Variants in RAD51 observed in about 807,000 individuals in gnomAD.
The protein encoded by RAD51 is DNA repair protein RAD51 homolog 1.
RAD51 carries 14 observed loss-of-function variants against 41.5 expected under a neutral mutation model. The observed-to-expected ratio is 0.34, with a 90% CI of 0.22 to 0.53. The LOEUF is 0.53. Among genes scored for constraint, RAD51 ranks in the 20% least tolerant of loss-of-function variants. RAD51 has a pLI of 0.95. For missense variants in RAD51, 234 were observed against 422.0 expected (o/e 0.55, Z 3.90); for synonymous variants, 136 against 148.6 (o/e 0.92, Z 0.62).
At chr15:40,695,813 C>T (rs990140052) in intron 1 of RAD51, 3 of 152,236 alleles carry the variant, frequency 2.0e-5, no homozygotes, top group Non-Finnish European at 2.9e-5. Context: ...GTGTTTTCAT[C>T]ATCTAATGCG....
intron 1 of RAD51, among the ~76,000 whole-genome samples, chr15:40,697,285 A>G (rs544520710): frequency 1.4e-3 from 213 of 151,942 alleles, no homozygotes; most frequent in African/African-American, 4.6e-3. Context: ...TTTTTCTTTA[A>G]TAGAGACAGG....
chr15:40,712,877 C>CTTTTTTTTTTTTTTT (rs398039433), intron 5 of RAD51, among the ~76,000 whole-genome samples: 3 of 103,896 alleles, frequency 2.9e-5, no homozygotes, highest in African/African-American at 3.8e-5. Context: ...CTTTTCTTTT[C>CTTTTTTTTTTTTTTT]TTTTTTTTTT....
In RAD51 at chr15:40,731,279, C is replaced by T; in HGVS notation, c.*101C>T. The T allele has an allele frequency of 6.6e-7, 1 of 1,523,792 alleles. No individual in the cohort carries two copies. The highest frequency in any genetic ancestry group is 9.1e-7 in the Non-Finnish European group (1 of 1,104,312). 94.4% of individuals were successfully genotyped at this position (1,523,792 alleles called of 1,614,324 possible). On this transcript the variant is annotated 3_prime_UTR_variant, in exon 10 of 10. Coordinates refer to ENST00000267868, the MANE Select transcript of RAD51 (RefSeq NM_002875.5). ...TACAGGCCTCTTCCTGTTGTGACTG[C>T]CAGGATAAAGCTTCCGGGAAAACAG...
intron 6 of RAD51, among the ~76,000 whole-genome samples, chr15:40,719,948 A>C (rs1461922949): frequency 1.3e-5 from 2 of 152,194 alleles, no homozygotes; most frequent in African/African-American, 2.4e-5. Context: ...ACAAAACCCC[A>C]AAATAACATG....
At chr15:40,701,007 C>A in intron 2 of RAD51, 57 bp from the exon 3 acceptor site, 2 of 1,509,858 alleles carry the variant, frequency 1.3e-6, no homozygotes, top group Non-Finnish European at 1.8e-6. Context: ...CACATAACAT[C>A]TGTGTTAGAT....
At chr15:40,701,697 T>A (rs997318936) in intron 3 of RAD51, 2 of 219,696 alleles carry the variant, frequency 9.1e-6, no homozygotes, top group East Asian at 2.9e-4. Flanking sequence ...TTTTGTTTTA[T>A]GAACCTATTT....
At chr15:40,703,862 G>A (rs1895154893) in intron 3 of RAD51, among the ~76,000 whole-genome samples, 1 of 151,576 alleles carries the variant, frequency 6.6e-6, no homozygotes, top group South Asian at 2.1e-4. Flanking sequence ...CTTTCTGCTT[G>A]CTTTGTTTTG....
chr15:40,719,716 C>G (rs954683939), intron 6 of RAD51, among the ~76,000 whole-genome samples: 4 of 151,980 alleles, frequency 2.6e-5, no homozygotes, highest in Non-Finnish European at 5.9e-5. Context: ...CCTGTAGTCC[C>G]AGCTACTCGG....
intron 5 of RAD51, among the ~76,000 whole-genome samples, chr15:40,710,424 C>A (rs1199934081): frequency 6.7e-6 from 1 of 148,360 alleles, no homozygotes; most frequent in Non-Finnish European, 1.5e-5. Flanking sequence ...ATCGCTTGAA[C>A]CCGGGGGGCA....
At chr15:40,709,883 C>G (rs552068958) in intron 5 of RAD51, among the ~76,000 whole-genome samples, 3 of 152,072 alleles carry the variant, frequency 2.0e-5, no homozygotes, top group South Asian at 4.2e-4. Flanking sequence ...AGATGACAGG[C>G]CAGGCACGGT....
chr15:40,712,872 CTTTTCTT>C (rs1470557577), intron 5 of RAD51, among the ~76,000 whole-genome samples: 21 of 89,358 alleles, frequency 2.4e-4, no homozygotes, highest in African/African-American at 9.1e-4. Flanking sequence ...TTTTTCTTTT[CTTTTCTT>C]TTTTTTTTTT....
chr15:40,731,078 G>C lies in RAD51; in HGVS notation c.920G>C (p.Gly307Ala), dbSNP rs762285836. The C allele has an allele frequency of 6.2e-7, 1 of 1,613,996 alleles. No homozygotes were observed. The highest frequency in any genetic ancestry group is 1.3e-5 in the African/African-American group (1 of 74,910). Reference sequence around the variant, plus strand: ...AGATTGTATCTGAGGAAAGGAAGAGGGGAAACCAGAATCTGCAAAATCTAC... The same window carrying C: ...AGATTGTATCTGAGGAAAGGAAGAGCGGAAACCAGAATCTGCAAAATCTAC... ...TTRLYLRKGR[G>A]ETRICKIYDS... The change falls in exon 10 of 10, where the codon GGG becomes GCG. Residue 307 changes from glycine (G) to alanine (A), a missense_variant. Physicochemically the swap from Gly to Ala is moderately conservative, Grantham distance 60. This residue lies in a region of RAD51 where 134 missense variants were observed against 286.5 expected (regional missense o/e 0.47). Transcript: ENST00000267868.
At chr15:40,715,157 A>G (rs1895922439) in intron 5 of RAD51, among the ~76,000 whole-genome samples, 1 of 152,210 alleles carries the variant, frequency 6.6e-6, no homozygotes, top group African/African-American at 2.4e-5. Flanking sequence ...GGAGTTCAAG[A>G]ACAGCCTGGC....
chr15:40,722,511 G>A (rs926715767), intron 6 of RAD51, among the ~76,000 whole-genome samples: 14 of 151,058 alleles, frequency 9.3e-5, no homozygotes, highest in African/African-American at 3.4e-4. Flanking sequence ...TGGTTTTCTG[G>A]GGGTAGGGAG....
chr15:40,706,099 A>T, intron 3 of RAD51, 78 bp from the exon 4 acceptor site: 2 of 994,114 alleles, frequency 2.0e-6, no homozygotes, highest in Admixed American at 1.8e-5. Context: ...TTTTTTCTTT[A>T]TATATATTTT....
At chr15:40,705,766 G>A (rs769865514) in intron 3 of RAD51, among the ~76,000 whole-genome samples, 7 of 151,960 alleles carry the variant, frequency 4.6e-5, no homozygotes, top group East Asian at 1.9e-4. Flanking sequence ...CACCACGCCC[G>A]ACTAATTTTT....
intron 2 of RAD51, among the ~76,000 whole-genome samples, chr15:40,699,174 G>C (rs762913608): frequency 1.1e-4 from 17 of 152,084 alleles, no homozygotes; most frequent in African/African-American, 4.1e-4. Flanking sequence ...ATGGAGTTTC[G>C]CTCTTGTTGC....
intron 1 of RAD51, chr15:40,695,717 A>C (rs1057230643): frequency 6.6e-6 from 1 of 152,220 alleles, no homozygotes; most frequent in Non-Finnish European, 1.5e-5. Context: ...ACAGCTGTTT[A>C]ATATCACAGC....
intron 5 of RAD51, among the ~76,000 whole-genome samples, chr15:40,713,865 C>G (rs1431619881): frequency 2.0e-5 from 3 of 152,000 alleles, no homozygotes; most frequent in Non-Finnish European, 4.4e-5. Flanking sequence ...CTTGGTCTCT[C>G]AAAATGCTGG....
Sources: gnomAD v4.1 joint callset for allele counts (sites outside exome capture counted in the v4.1 genomes callset) on GRCh38, gnomAD v4.1.1 for gene constraint, gnomAD v4.1.1 regional missense constraint, MANE v1.5 for transcripts, NCBI Gene and HGNC (gene_info 2026-07-23, HGNC 2026-07-21) for gene names.